ATG10: variants seen among roughly 807,000 people sequenced by gnomAD.
ATG10 encodes the protein autophagy related 10, also known as ubiquitin-like-conjugating enzyme ATG10.
ATG10 carries 30 observed loss-of-function variants against 32.1 expected under a neutral mutation model. The observed-to-expected ratio is 0.94, with a 90% CI of 0.70 to 1.27. ATG10 has a LOEUF of 1.27. Among genes scored for constraint, ATG10 ranks in the 50% most tolerant of loss-of-function variants. The probability of loss-of-function intolerance (pLI) is 0.00; values close to 1 mark genes in which losing one functional copy is unlikely to be tolerated. For synonymous variants in ATG10, 87 were observed against 91.5 expected, an observed-to-expected ratio of 0.95 and a Z score of 0.28; for missense variants, 233 against 262.3, an observed-to-expected ratio of 0.89 and a Z score of 0.77.
At chr5:82,156,759 A>ATTTCTGATTT (rs1262204403) in intron 3 of ATG10, among the ~76,000 whole-genome samples, 1 of 152,192 alleles carries the variant, frequency 6.6e-6, no homozygotes, top group Non-Finnish European at 1.5e-5. Flanking sequence ...TACATAAAGA[A>ATTTCTGATTT]TTTCTGATTT....
chr5:81,998,652 T>G lies in ATG10; in HGVS notation c.108+10974T>G, dbSNP rs551354884. Reference sequence around the variant, plus strand: ...CTGTCTTCAAGAGACCCATCTCACATGCAGTGACATCCATAGGCTCAAAGT... The same window carrying G: ...CTGTCTTCAAGAGACCCATCTCACAGGCAGTGACATCCATAGGCTCAAAGT... On this transcript the variant is annotated intron_variant, in intron 2 of 7. Transcript: ENST00000282185. Among the ~76,000 whole-genome samples, 23 of 152,198 alleles carry G rather than the reference T, an allele frequency of 1.5e-4. No homozygotes were observed. The South Asian group carries it at 4.6e-3, about 30-fold the overall frequency.
chr5:82,229,527 A>G (rs886116536), intron 5 of ATG10, among the ~76,000 whole-genome samples: 1 of 152,200 alleles, frequency 6.6e-6, no homozygotes, highest in Non-Finnish European at 1.5e-5. Context: ...ACTGTAATTA[A>G]TATATAATTT....
At chr5:82,056,154 A>G (rs1035272409) in intron 2 of ATG10, among the ~76,000 whole-genome samples, 5 of 152,180 alleles carry the variant, frequency 3.3e-5, no homozygotes, top group African/African-American at 1.2e-4. Context: ...GATTGACAAT[A>G]CAATAGAAAT....
At chr5:82,001,594 A>G (rs1401916700) in intron 2 of ATG10, among the ~76,000 whole-genome samples, 2 of 152,168 alleles carry the variant, frequency 1.3e-5, no homozygotes, top group Non-Finnish European at 2.9e-5. Context: ...CTGGCCTGCC[A>G]TATGCAGAGA....
At chr5:81,986,209 T>G (rs975273086) in intron 1 of ATG10, among the ~76,000 whole-genome samples, 3 of 152,234 alleles carry the variant, frequency 2.0e-5, no homozygotes, top group Non-Finnish European at 4.4e-5. Context: ...TCTTTTTTAC[T>G]TTGATGTTTG....
At chr5:82,176,747 A>G (rs918335677) in intron 4 of ATG10, among the ~76,000 whole-genome samples, 2 of 152,222 alleles carry the variant, frequency 1.3e-5, no homozygotes, top group African/African-American at 4.8e-5. Flanking sequence ...GTAGCTAAAC[A>G]TGACATTCAA....
chr5:82,054,811 GAGGCCT>G (rs1360734178), intron 2 of ATG10, among the ~76,000 whole-genome samples: 2 of 152,144 alleles, frequency 1.3e-5, no homozygotes, highest in Non-Finnish European at 2.9e-5. Flanking sequence ...TTAGAGGATG[GAGGCCT>G]AGGCCCTGAG....
chr5:82,180,446 A>G (rs1365742955), intron 5 of ATG10, among the ~76,000 whole-genome samples: 2 of 152,170 alleles, frequency 1.3e-5, no homozygotes, highest in Non-Finnish European at 2.9e-5. Flanking sequence ...GGTGCTGTGA[A>G]GAAGGATAAT....
intron 5 of ATG10, among the ~76,000 whole-genome samples, chr5:82,207,088 CT>C (rs1379397854): frequency 6.6e-6 from 1 of 152,116 alleles, no homozygotes; most frequent in African/African-American, 2.4e-5. Context: ...GTGGTTCCCC[CT>C]GCCCCAGGTT....
chr5:82,182,238 G>A (rs564688634), intron 5 of ATG10, among the ~76,000 whole-genome samples: 56 of 152,134 alleles, frequency 3.7e-4, no homozygotes, highest in Non-Finnish European at 7.1e-4. Flanking sequence ...TTTATATTAT[G>A]GAAAATTTTA....
At chr5:81,987,722 TTG>T (rs1209275210) in intron 2 of ATG10, 44 bp downstream of exon 2, 3 of 1,449,544 alleles carry the variant, frequency 2.1e-6, no homozygotes, top group Admixed American at 3.8e-5. Flanking sequence ...AGAGGATTTT[TTG>T]TTTTGTTTTG....
intron 5 of ATG10, among the ~76,000 whole-genome samples, chr5:82,228,863 C>A (rs887043358): frequency 6.6e-6 from 1 of 152,108 alleles, no homozygotes; most frequent in African/African-American, 2.4e-5. Context: ...AAAGTAGAGG[C>A]ATAAAATTAT....
intron 3 of ATG10, among the ~76,000 whole-genome samples, chr5:82,098,070 A>G (rs1304808836): frequency 6.6e-6 from 1 of 152,200 alleles, no homozygotes; most frequent in Admixed American, 6.5e-5. Context: ...ATCTCATTCA[A>G]CAGTGCCCAA....
rs1193544617 is a variant in ATG10 at position 82,194,461 on chromosome 5, T to A, written c.453+15874T>A. ...GACAAAGGGAATTTTAGTATTAAGA[T>A]ATGAACTTAAATATTCCGGATTCAA... On this transcript the variant is annotated intron_variant, in intron 5 of 7. Transcript: ENST00000282185. 2.6e-5 allele frequency among the ~76,000 whole-genome samples: 4 copies of A among 152,192 alleles called. No individual in the cohort carries two copies. In the East Asian group the frequency reaches 7.7e-4, roughly 29 times the overall value.
intron 5 of ATG10, among the ~76,000 whole-genome samples, chr5:82,228,522 T>C (rs1263778253): frequency 6.6e-6 from 1 of 152,130 alleles, no homozygotes; most frequent in East Asian, 1.9e-4. Context: ...ATGAAGTTCT[T>C]TGAGAGGAGC....
intron 2 of ATG10, among the ~76,000 whole-genome samples, chr5:82,046,077 A>G (rs1241763667): frequency 6.6e-6 from 1 of 152,136 alleles, no homozygotes; most frequent in Non-Finnish European, 1.5e-5. Flanking sequence ...AACAGCTTCT[A>G]AATCACTGGC....
At chr5:82,087,906 G>C (rs1365689002) in intron 3 of ATG10, among the ~76,000 whole-genome samples, 4 of 151,884 alleles carry the variant, frequency 2.6e-5, no homozygotes, top group Non-Finnish European at 4.4e-5. Flanking sequence ...TGGTTTTATG[G>C]GTGTATACTT....
At chr5:81,987,706 C>T in intron 2 of ATG10, 28 bp downstream of exon 2, 2 of 1,539,130 alleles carry the variant, frequency 1.3e-6, no homozygotes, top group Non-Finnish European at 1.8e-6. Context: ...TGTTTTCTGT[C>T]TCAAAAGAGG....
At chr5:82,196,600 T>C (rs1479967565) in intron 5 of ATG10, among the ~76,000 whole-genome samples, 4 of 152,194 alleles carry the variant, frequency 2.6e-5, no homozygotes, top group Non-Finnish European at 4.4e-5. Context: ...CTTTTGCATG[T>C]ACTAATAAAT....
Sources: gnomAD v4.1 joint callset for allele counts (sites outside exome capture counted in the v4.1 genomes callset) on GRCh38, gnomAD v4.1.1 for gene constraint, MANE v1.5 for transcripts, NCBI Gene and HGNC (gene_info 2026-07-23, HGNC 2026-07-21) for gene names.